CAPN15: variants seen among roughly 807,000 people sequenced by gnomAD.
CAPN15 encodes the protein calpain-15.
A neutral mutation model predicts 97.9 loss-of-function variants in CAPN15; 53 were observed. That is an observed-to-expected ratio of 0.54 (90% CI 0.43 to 0.68). The LOEUF is 0.68. Ranked by LOEUF, CAPN15 falls within the 30% of genes least tolerant of loss-of-function variation. CAPN15 has a pLI of 0.00. For synonymous variants in CAPN15, 922 were observed against 722.5 expected (o/e 1.28, Z -4.43); for missense variants, 1,592 against 1,589.8 (o/e 1.00, Z -0.02).
intron 3 of CAPN15, chr16:539,439 G>A (rs2033957642): frequency 6.6e-6 from 1 of 152,298 alleles, no homozygotes; most frequent in African/African-American, 2.4e-5. Flanking sequence ...TCAGCCAGAG[G>A]GGGTAAGGTG....
chr16:552,193 C>T lies in CAPN15; in HGVS notation c.2488C>T (p.Leu830Phe). The T allele has an allele frequency of 1.3e-6, 2 of 1,535,654 alleles. No homozygotes were observed. Among genetic ancestry groups the T allele is most frequent in the Non-Finnish European group, 1.8e-6 (2 of 1,138,792 alleles). ...GGAGCGGGCCTCGCTGGAGTTCGCGCTCTTCCAGGAGGGCAGCAGGTGGGT... is the reference window on the plus strand; with the variant it reads ...GGAGCGGGCCTCGCTGGAGTTCGCGTTCTTCCAGGAGGGCAGCAGGTGGGT... ...VLERASLEFA[L>F]FQEGSRRSDA... The change falls in exon 10 of 14, where the codon CTC (leucine) becomes TTC (phenylalanine). Residue 830 changes from leucine (L) to phenylalanine (F), a missense_variant. Physicochemically the swap from Leu to Phe is conservative, Grantham distance 22 (BLOSUM62 0). Transcript: ENST00000219611. This position sits in a 1 kb window ranked among gnomAD's most constrained non-coding sequence, Gnocchi z 6.4.
chr16:533,237 A>C (rs73481349), intron 1 of CAPN15, among the ~76,000 whole-genome samples: 7,379 of 152,186 alleles, frequency 0.048, 488 homozygotes, highest in African/African-American at 0.15. Context: ...TAAAATAAAA[A>C]ATTTAAAACC....
At chr16:532,536 CAG>C (rs1167508624) in intron 1 of CAPN15, among the ~76,000 whole-genome samples, 1 of 147,460 alleles carries the variant, frequency 6.8e-6, no homozygotes, top group African/African-American at 2.5e-5. Context: ...GCCTAGGTGA[CAG>C]AGTGATACCC....
intron 1 of CAPN15, among the ~76,000 whole-genome samples, chr16:531,633 C>T (rs901555682): frequency 2.1e-5 from 3 of 139,552 alleles, no homozygotes; most frequent in Non-Finnish European, 4.5e-5. Context: ...GACAGGTGCC[C>T]CCAGGGCCAC....
At chr16:534,223 G>GGACCCGACGGGGCC (rs2033511818) in intron 2 of CAPN15, among the ~76,000 whole-genome samples, 1 of 152,160 alleles carries the variant, frequency 6.6e-6, no homozygotes, top group African/African-American at 2.4e-5. Flanking sequence ...GGCGGCCCGG[G>GGACCCGACGGGGCC]GTCCCGACAG....
In CAPN15 at chr16:547,337, G is replaced by A. The variant is rs780370485; in HGVS notation, c.499G>A (p.Gly167Arg). 31 of 1,539,682 alleles carry A rather than the reference G, an allele frequency of 2.0e-5. No homozygotes were observed. The highest frequency in any genetic ancestry group is 2.7e-5 in the Non-Finnish European group (31 of 1,149,350). ...TPVASSCSVC[G>R]GPRRLSLPRI... ...CGTGGCCAGCTCCTGCTCCGTCTGCGGGGGCCCACGCAGGCTCTCGCTGCC... is the reference window on the plus strand; with the variant it reads ...CGTGGCCAGCTCCTGCTCCGTCTGCAGGGGCCCACGCAGGCTCTCGCTGCC... The change falls in exon 4 of 14, where the codon GGG becomes AGG. Residue 167 changes from glycine (G) to arginine (R), a missense_variant. Coordinates refer to ENST00000219611, the MANE Select transcript of CAPN15 (RefSeq NM_005632.3).
At chr16:528,617 C>T in intron 1 of CAPN15, 1 of 522,306 alleles carries the variant, frequency 1.9e-6, no homozygotes, top group South Asian at 8.2e-5. Flanking sequence ...GCAGAAGGGG[C>T]CCCTCTAGTC....
intron 3 of CAPN15, among the ~76,000 whole-genome samples, chr16:544,173 G>A (rs571432953): frequency 6.6e-5 from 10 of 152,256 alleles, no homozygotes; most frequent in East Asian, 1.9e-4. Context: ...AGCCCAGCTC[G>A]AGGGAGGCAC....
At chr16:543,399 CGGGGCAGGCGT>C (rs1191163180) in intron 3 of CAPN15, 3 of 153,152 alleles carry the variant, frequency 2.0e-5, no homozygotes, top group Non-Finnish European at 4.4e-5. Context: ...GGCAGAGCCG[CGGGGCAGGCGT>C]GGGGTCTGCT....
At chr16:543,013 T>G (rs765916985) in intron 3 of CAPN15, among the ~76,000 whole-genome samples, 2 of 152,060 alleles carry the variant, frequency 1.3e-5, no homozygotes, top group African/African-American at 2.4e-5. Context: ...ATTGCACCAC[T>G]GCACTCCAGT....
intron 3 of CAPN15, among the ~76,000 whole-genome samples, chr16:543,595 G>A (rs954463670): frequency 6.6e-6 from 1 of 152,158 alleles, no homozygotes; most frequent in Admixed American, 6.5e-5. Context: ...TGGGGCCTGG[G>A]CTCCAGGCAG....
chr16:543,259 G>A (rs760183118), intron 3 of CAPN15: 37 of 154,684 alleles, frequency 2.4e-4, no homozygotes, highest in Middle Eastern at 5.2e-4. Flanking sequence ...GCACCAGGCC[G>A]AGTTTCAGAC....
At position 548,235 on chromosome 16, in the gene CAPN15, A is replaced by ACGAGGG. The variant is rs1282387018; in HGVS notation, c.1403_1408dup (p.Gly468_Glu469dup). The ACGAGGG allele has an allele frequency of 6.4e-7, 1 of 1,551,962 alleles. No individual in the cohort carries two copies. Among genetic ancestry groups the ACGAGGG allele is most frequent in the African/African-American group, 1.4e-5 (1 of 72,446 alleles). On this transcript the variant is annotated inframe_insertion, in exon 4 of 14. Coordinates refer to ENST00000219611, the MANE Select transcript of CAPN15 (RefSeq NM_005632.3). Reference sequence around the variant, plus strand: ...CACGTGGAGCAGCGGCGGCAGACAGACGAGGGCGAGGCCAAGGCACTCTGG... The same window carrying ACGAGGG: ...CACGTGGAGCAGCGGCGGCAGACAGACGAGGGCGAGGGCGAGGCCAAGGCACTCTGG...
In CAPN15 at chr16:553,623, C is replaced by A; in HGVS notation, c.*107C>A. 1.5e-6 allele frequency: 1 copy of A among 685,652 alleles called. No individual in the cohort carries two copies. Among genetic ancestry groups the A allele is most frequent in the South Asian group, 2.4e-5 (1 of 41,306 alleles). 42.5% of individuals were successfully genotyped at this position (685,652 alleles called of 1,614,324 possible). A position where few individuals can be genotyped will look rare whatever the true frequency, so the allele number is the denominator to read the frequency against. On this transcript the variant is annotated 3_prime_UTR_variant, in exon 14 of 14. Transcript: ENST00000219611. ...ACGCTTGAGCCAGAATCTCAGGACC[C>A]CGCCCAGGGAGCTGCCAGCCCAGGG...
intron 7 of CAPN15, among the ~76,000 whole-genome samples, chr16:550,653 C>T (rs556053927): frequency 3.2e-4 from 48 of 150,036 alleles, no homozygotes; most frequent in South Asian, 2.1e-4. Context: ...GGTTCCCTGT[C>T]GGTGAGGGTC....
chr16:542,195 T>C (rs2034166262), intron 3 of CAPN15, among the ~76,000 whole-genome samples: 1 of 152,266 alleles, frequency 6.6e-6, no homozygotes, highest in African/African-American at 2.4e-5. Flanking sequence ...TATCTATTCA[T>C]GGACGCTAGG....
chr16:552,531 G>A lies in CAPN15; in HGVS notation c.2737+1G>A. ...CTGCCGGGCACCCCTGCCCCCCAGG[G>A]TACGTGGCCCCTACCCCAGGCTCAT... is the stretch of plus-strand genomic sequence containing the variant. On this transcript the variant is annotated splice_donor_variant, in intron 11 of 13. Coordinates refer to ENST00000219611, the MANE Select transcript of CAPN15 (RefSeq NM_005632.3). LOFTEE classifies it high-confidence loss of function. This position sits in a 1 kb window ranked among gnomAD's most constrained non-coding sequence, Gnocchi z 6.4. The A allele has an allele frequency of 6.3e-7, 1 of 1,596,334 alleles. No homozygotes were observed. The highest frequency in any genetic ancestry group is 8.5e-7 in the Non-Finnish European group (1 of 1,175,666).
intron 1 of CAPN15, among the ~76,000 whole-genome samples, chr16:532,595 A>G (rs1405147089): frequency 6.6e-6 from 1 of 151,398 alleles, no homozygotes; most frequent in East Asian, 1.9e-4. Flanking sequence ...TCACGCCTGT[A>G]ATCCCAGCAC....
At chr16:533,804 C>A in intron 1 of CAPN15, 142 bp from the exon 2 acceptor site, 1 of 222,848 alleles carries the variant, frequency 4.5e-6, no homozygotes, top group Non-Finnish European at 7.5e-6. Context: ...GCTCGGACAG[C>A]TTCTAAGGCG....
Sources: gnomAD v4.1 joint callset for allele counts (sites outside exome capture counted in the v4.1 genomes callset) on GRCh38, gnomAD v4.1.1 for gene constraint, Gnocchi (gnomAD v3.1) non-coding constraint, MANE v1.5 for transcripts, NCBI Gene and HGNC (gene_info 2026-07-23, HGNC 2026-07-21) for gene names.